Variants in REV3L observed in about 807,000 individuals in gnomAD.
REV3L encodes the protein DNA polymerase zeta catalytic subunit.
In REV3L, 69 loss-of-function variants were observed where a neutral mutation model predicts 299.4. That is an observed-to-expected ratio of 0.23 (90% CI 0.19 to 0.28). The LOEUF is 0.28. Ranked by LOEUF, REV3L falls within the 10% of genes least tolerant of loss-of-function variation. The pLI is 1.00. For missense variants in REV3L, 3,128 were observed against 3,693.8 expected, an observed-to-expected ratio of 0.85 and a Z score of 3.97; for synonymous variants, 1,238 against 1,271.4, an observed-to-expected ratio of 0.97 and a Z score of 0.56.
intron 1 of REV3L, among the ~76,000 whole-genome samples, chr6:111,474,988 T>TATATATATACACAC (rs151075609): frequency 6.9e-6 from 1 of 145,844 alleles, no homozygotes; most frequent in African/African-American, 2.6e-5. Flanking sequence ...TGCCTATATA[T>TATATATATACACAC]ACACACACAC....
At chr6:111,357,976 T>C (rs1434529918) in intron 17 of REV3L, among the ~76,000 whole-genome samples, 1 of 151,818 alleles carries the variant, frequency 6.6e-6, no homozygotes, top group East Asian at 1.9e-4. Flanking sequence ...AAGAACTGGC[T>C]TGTGAGCTGG....
At chr6:111,412,257 A>T (rs966696014) in intron 2 of REV3L, 1 of 985,226 alleles carries the variant, frequency 1.0e-6, no homozygotes. Flanking sequence ...CTTAAGCAAC[A>T]TAATCATGTT....
intron 26 of REV3L, among the ~76,000 whole-genome samples, chr6:111,317,291 A>T (rs1356450678): frequency 3.9e-5 from 6 of 152,232 alleles, no homozygotes; most frequent in African/African-American, 1.4e-4. Context: ...GAAAGGAAAA[A>T]AGTAGTTTAT....
rs370391293 is a variant in REV3L at position 111,380,059 on chromosome 6, T to A, written c.1377A>T (p.Glu459Asp). The change falls in exon 11 of 32, where the codon GAA becomes GAT. Residue 459 changes from glutamate (E) to aspartate (D), a missense_variant. Coordinates refer to ENST00000368802, the MANE Select transcript of REV3L (RefSeq NM_001372078.1). Reference sequence around the variant, plus strand: ...CCAAACTAAGCTCCATTTCCTCTTTTTCAATCTGTGGTTCATTTTCTTCAT... The same window carrying A: ...CCAAACTAAGCTCCATTTCCTCTTTATCAATCTGTGGTTCATTTTCTTCAT... ...SDDEENEPQI[E>D]KEEMELSLVM... 3.7e-6 allele frequency: 6 copies of A among 1,614,100 alleles called. No individual in the cohort carries two copies. Among genetic ancestry groups the A allele is most frequent in the Non-Finnish European group, 5.1e-6 (6 of 1,179,996 alleles).
intron 10 of REV3L, 93 bp downstream of exon 10, chr6:111,381,232 C>T: frequency 7.8e-7 from 1 of 1,277,828 alleles, no homozygotes; most frequent in African/African-American, 1.5e-5. Context: ...CAACATTTAC[C>T]TCTTCAAGTC....
At chr6:111,368,863 G>A (rs1030767984) in intron 13 of REV3L, among the ~76,000 whole-genome samples, 1 of 152,102 alleles carries the variant, frequency 6.6e-6, no homozygotes, top group African/African-American at 2.4e-5. Context: ...CTTAGGGCAT[G>A]ATTCCCCAAA....
chr6:111,473,505 T>C (rs1350486000), intron 1 of REV3L, among the ~76,000 whole-genome samples: 2 of 151,964 alleles, frequency 1.3e-5, no homozygotes, highest in African/African-American at 4.8e-5. Flanking sequence ...TTTTTATTTA[T>C]GTTTGCCCTA....
In REV3L at chr6:111,373,241, T is replaced by A. The variant is rs773932278; in HGVS notation, c.5114A>T (p.Asp1705Val). 3 of 1,614,108 alleles carry A rather than the reference T, an allele frequency of 1.9e-6. No individual in the cohort carries two copies. In the South Asian group the frequency reaches 3.3e-5, roughly 18 times the overall value. The change falls in exon 13 of 32, where the codon GAT becomes GTT. Residue 1705 changes from aspartate (D) to valine (V), a missense_variant. Asp to Val is a radical substitution (Grantham distance 152). Coordinates refer to ENST00000368802, the MANE Select transcript of REV3L (RefSeq NM_001372078.1). The stretch of plus-strand genomic sequence containing the variant: ...GTCTGTGGTATGATGCTTGTCTTCA[T>A]CACATTTCTGGTTGTCATGACTTAA... ...EFLSHDNQKC[D>V]EDKHHTTDSA...
Position 111,367,620 on chromosome 6 carries a change from A to G in REV3L, c.6168T>C (p.Ser2056=), listed in dbSNP as rs1331121257. 6.2e-7 allele frequency: 1 copy of G among 1,614,006 alleles called. No individual in the cohort carries two copies. Among genetic ancestry groups the G allele is most frequent in the East Asian group, 2.2e-5 (1 of 44,902 alleles). ...KPVVPPKMDV[S]PCILPTTAHT... ...GTGCTGTAGTGGGGAGTATACATGG[A>G]CTTACATCCATTTTTGGAGGCACTA... The change falls in exon 14 of 32, where the codon AGT becomes AGC. Residue 2056 remains serine, a synonymous_variant. Coordinates refer to ENST00000368802, the MANE Select transcript of REV3L (RefSeq NM_001372078.1).
At chr6:111,428,277 C>A (rs552699157) in intron 1 of REV3L, among the ~76,000 whole-genome samples, 6 of 151,868 alleles carry the variant, frequency 4.0e-5, no homozygotes, top group African/African-American at 1.2e-4. Flanking sequence ...TTCAAAATAC[C>A]AGGTATAAGG....
chr6:111,335,723 A>G (rs1015464565), intron 21 of REV3L, 113 bp from the exon 22 acceptor site: 4 of 1,077,240 alleles, frequency 3.7e-6, no homozygotes, highest in Middle Eastern at 2.1e-4. Flanking sequence ...ACTTAAGGAA[A>G]GAGTAATGAT....
At chr6:111,311,395 G>T in intron 28 of REV3L, 136 bp from the exon 29 acceptor site, 1 of 512,826 alleles carries the variant, frequency 1.9e-6, no homozygotes, top group South Asian at 5.2e-5. Context: ...ACAATGATGG[G>T]ATAATAAAAT....
At chr6:111,372,521 T>C (rs763463748) in intron 13 of REV3L, 75 bp downstream of exon 13, 26 of 1,178,004 alleles carry the variant, frequency 2.2e-5, no homozygotes, top group Non-Finnish European at 2.7e-5. Context: ...ACATTCTTTT[T>C]TTTTCAATCC....
chr6:111,414,798 CA>C (rs1262626862), intron 2 of REV3L, among the ~76,000 whole-genome samples: 1 of 152,174 alleles, frequency 6.6e-6, no homozygotes, highest in Admixed American at 6.5e-5. Flanking sequence ...CTTACCCAAA[CA>C]CAAAGCAAAG....
intron 1 of REV3L, among the ~76,000 whole-genome samples, chr6:111,446,086 A>G (rs1205961843): frequency 6.6e-6 from 1 of 152,214 alleles, no homozygotes. Flanking sequence ...ACAGACATAC[A>G]TAATGTAGCC....
intron 1 of REV3L, among the ~76,000 whole-genome samples, chr6:111,430,041 G>T (rs746151110): frequency 1.8e-4 from 28 of 152,124 alleles, no homozygotes; most frequent in African/African-American, 6.5e-4. Context: ...AGACAAGCAG[G>T]TTCCAGGGGA....
chr6:111,408,189 C>T (rs529151331), intron 3 of REV3L, among the ~76,000 whole-genome samples: 62 of 152,266 alleles, frequency 4.1e-4, no homozygotes, highest in African/African-American at 1.2e-3. Flanking sequence ...ATTTCTTTCA[C>T]GGAATAGGCA....
rs745720904 is a variant in REV3L, at chr6:111,387,887, C to A, written c.974G>T (p.Ser325Ile). 14 of 1,613,820 alleles carry A rather than the reference C, an allele frequency of 8.7e-6. No homozygotes were observed. In the Admixed American group the frequency reaches 2.3e-4, roughly 27 times the overall value. The change falls in exon 9 of 32, where the codon AGC (serine) becomes ATC (isoleucine). Residue 325 changes from serine to isoleucine, a missense_variant. This residue lies in a region of REV3L where 2,409 missense variants were observed against 2,611.8 expected (regional missense o/e 0.92). Transcript: ENST00000368802. ...SVTLSGSVDY[S>I]DGSQEFSAEL... ...AGCAGAGAACTCCTGGGATCCATCG[C>A]TGTAGTCCACAGATCCTGATAATGT...
chr6:111,415,585 T>C (rs1784672807), intron 2 of REV3L, among the ~76,000 whole-genome samples: 1 of 152,166 alleles, frequency 6.6e-6, no homozygotes, highest in Admixed American at 6.6e-5. Context: ...AACCACACTT[T>C]GAGAATCATT....
Sources: allele counts gnomAD v4.1 joint callset (sites outside exome capture counted in the v4.1 genomes callset), GRCh38; gene constraint gnomAD v4.1.1; regional missense constraint gnomAD v4.1.1; transcripts MANE v1.5; gene names NCBI Gene and HGNC (gene_info 2026-07-23, HGNC 2026-07-21).